The following RABGAP1 variants were observed in gnomAD, a reference collection of about 807,000 sequenced individuals.
RABGAP1 encodes the protein rab GTPase-activating protein 1.
RABGAP1 carries 23 observed loss-of-function variants against 137.6 expected under a neutral mutation model. The ratio of observed to expected loss-of-function variants is 0.17; its 90% CI spans 0.12 to 0.24. The LOEUF is 0.24. Among genes scored for constraint, RABGAP1 ranks in the 10% least tolerant of loss-of-function variants. The probability of loss-of-function intolerance (pLI) is 1.00; values close to 1 mark genes in which losing one functional copy is unlikely to be tolerated. For missense variants in RABGAP1, 906 were observed against 1,275.8 expected (o/e 0.71, Z 4.42); for synonymous variants, 451 against 450.7 (o/e 1.00, Z -0.01).
intron 19 of RABGAP1, among the ~76,000 whole-genome samples, chr9:123,086,692 G>A (rs1783761400): frequency 6.7e-6 from 1 of 149,372 alleles, no homozygotes; most frequent in South Asian, 2.2e-4. Context: ...AGTGTTTAAG[G>A]GAGAAAGGGA....
At chr9:122,963,934 A>G (rs1834988475) in intron 2 of RABGAP1, among the ~76,000 whole-genome samples, 1 of 152,198 alleles carries the variant, frequency 6.6e-6, no homozygotes, top group Non-Finnish European at 1.5e-5. Context: ...TGCTGATAAT[A>G]CGTAGAATTA....
upstream of RABGAP1, chr9:122,938,235 C>T (rs1833420918): frequency 6.6e-6 from 1 of 152,008 alleles, no homozygotes; most frequent in Admixed American, 6.6e-5. Flanking sequence ...TTTCCCTGCT[C>T]TAGTTTTACT....
intron 13 of RABGAP1, among the ~76,000 whole-genome samples, chr9:123,021,665 A>G (rs998165350): frequency 2.6e-5 from 4 of 152,222 alleles, no homozygotes; most frequent in African/African-American, 9.6e-5. Flanking sequence ...TCACCAGAAA[A>G]TGACTTTTAT....
At chr9:123,055,329 C>G (rs1473746805) in intron 13 of RABGAP1, among the ~76,000 whole-genome samples, 1 of 152,084 alleles carries the variant, frequency 6.6e-6, no homozygotes, top group Non-Finnish European at 1.5e-5. Flanking sequence ...GTAGCTGGGA[C>G]TACAAGTGCT....
rs1418251180 is a variant in RABGAP1, at chr9:122,957,028, A to G, written c.-32A>G. 1 of 1,419,192 alleles carries G rather than the reference A, an allele frequency of 7.0e-7. No individual in the cohort carries two copies. The highest frequency in any genetic ancestry group is 9.4e-7 in the Non-Finnish European group (1 of 1,069,046). 87.9% of individuals were successfully genotyped at this position (1,419,192 alleles called of 1,614,324 possible). A position where few individuals can be genotyped will look rare whatever the true frequency, so the allele number is the denominator to read the frequency against. On this transcript the variant is annotated 5_prime_UTR_variant, in exon 2 of 26. Coordinates refer to ENST00000373647, the MANE Select transcript of RABGAP1 (RefSeq NM_012197.4). ...TTTTTCAGGCATTAAAAAATATTTAATCATTCATGTGTTGAGACTCATTCT... is the reference window on the plus strand; with the variant it reads ...TTTTTCAGGCATTAAAAAATATTTAGTCATTCATGTGTTGAGACTCATTCT...
chr9:123,041,815 G>A (rs2132024185), intron 13 of RABGAP1, among the ~76,000 whole-genome samples: 1 of 152,284 alleles, frequency 6.6e-6, no homozygotes. Context: ...TTGCTAAGAT[G>A]TCCCTATAAG....
rs987489693 is a variant in RABGAP1, at chr9:123,035,039, C to T, written c.1794+14580C>T. Reference sequence around the variant, plus strand: ...ATTTTCCTGATTTGGCTATACTCGACCCTGGTCTTCCTGCCTTCCTTTTTC... The same window carrying T: ...ATTTTCCTGATTTGGCTATACTCGATCCTGGTCTTCCTGCCTTCCTTTTTC... On this transcript the variant is annotated intron_variant, in intron 13 of 25. Coordinates refer to ENST00000373647, the MANE Select transcript of RABGAP1 (RefSeq NM_012197.4). The T allele has an allele frequency of 1.9e-6, 3 of 1,613,976 alleles. No homozygotes were observed. The Admixed American group carries it at 5.0e-5, about 27-fold the overall frequency.
At chr9:123,007,666 G>T (rs997399111) in intron 10 of RABGAP1, among the ~76,000 whole-genome samples, 1 of 145,688 alleles carries the variant, frequency 6.9e-6, no homozygotes, top group Non-Finnish European at 1.5e-5. Flanking sequence ...CCCAAAATGC[G>T]CAACCTCCCA....
At chr9:122,945,054 A>G (rs896052331) in intron 1 of RABGAP1, among the ~76,000 whole-genome samples, 3 of 151,752 alleles carry the variant, frequency 2.0e-5, no homozygotes, top group African/African-American at 7.3e-5. Context: ...CTGAGTTTAC[A>G]TAGTTAGATC....
chr9:123,100,802 A>T (rs527286630), intron 24 of RABGAP1, among the ~76,000 whole-genome samples: 1 of 152,322 alleles, frequency 6.6e-6, no homozygotes, highest in East Asian at 1.9e-4. Flanking sequence ...AAGAAGAGTA[A>T]ATAAGGGAAA....
chr9:123,014,236 G>A (rs1244926726), intron 11 of RABGAP1, among the ~76,000 whole-genome samples: 1 of 152,128 alleles, frequency 6.6e-6, no homozygotes, highest in Non-Finnish European at 1.5e-5. Context: ...GCCTTGATCA[G>A]TGCCACTTAT....
At chr9:123,040,706 G>C (rs1295705312) in intron 13 of RABGAP1, among the ~76,000 whole-genome samples, 2 of 151,966 alleles carry the variant, frequency 1.3e-5, no homozygotes, top group African/African-American at 2.4e-5. Context: ...TTTTACGTTA[G>C]TTTGAGGGAG....
At position 122,996,040 on chromosome 9, in the gene RABGAP1, G is replaced by A; in HGVS notation, c.924-1G>A. ...AATTAATGAAACATGTTGGTCTACAGTGCAGTTCCCAAAGATAAGGACAGA... is the reference window on the plus strand; with the variant it reads ...AATTAATGAAACATGTTGGTCTACAATGCAGTTCCCAAAGATAAGGACAGA... On this transcript the variant is annotated splice_acceptor_variant, in intron 6 of 25. Coordinates refer to ENST00000373647, the MANE Select transcript of RABGAP1 (RefSeq NM_012197.4). LOFTEE classifies it high-confidence loss of function. The A allele has an allele frequency of 1.2e-6, 2 of 1,600,158 alleles. No homozygotes were observed. Among genetic ancestry groups the A allele is most frequent in the Non-Finnish European group, 1.7e-6 (2 of 1,175,904 alleles).
chr9:122,963,702 T>C (rs1489827663), intron 2 of RABGAP1, among the ~76,000 whole-genome samples: 1 of 152,046 alleles, frequency 6.6e-6, no homozygotes, highest in East Asian at 1.9e-4. Context: ...ACGTTCCACC[T>C]TAAGACCCTG....
Position 122,984,513 on chromosome 9 carries a change from T to C in RABGAP1, c.179T>C (p.Leu60Pro), listed in dbSNP as rs1283391265. The C allele has an allele frequency of 6.2e-7, 1 of 1,614,120 alleles. No homozygotes were observed. Among genetic ancestry groups the C allele is most frequent in the South Asian group, 1.1e-5 (1 of 91,074 alleles). The part of the protein sequence containing the change: ...KIVGNGSEQQ[L>P]QKELADVLMD... ...GTAGGGAATGGAAGTGAACAGCAGC[T>C]GCAAAAAGAGCTAGCAGATGTACTG... The change falls in exon 3 of 26, where the codon CTG becomes CCG. Residue 60 changes from leucine (L) to proline (P), a missense_variant. This residue lies in a region of RABGAP1 where 331 missense variants were observed against 358.3 expected (regional missense o/e 0.92). Transcript: ENST00000373647.
At chr9:123,028,037 T>A (rs1280129409) in intron 13 of RABGAP1, among the ~76,000 whole-genome samples, 7 of 152,230 alleles carry the variant, frequency 4.6e-5, no homozygotes, top group Admixed American at 3.3e-4. Flanking sequence ...TTCTAAAGGT[T>A]TCCTGAATTA....
intron 13 of RABGAP1, chr9:123,034,551 C>G (rs1428101454): frequency 1.3e-6 from 2 of 1,536,498 alleles, no homozygotes; most frequent in African/African-American, 2.7e-5. Context: ...AGTGACAGAT[C>G]ACTCCTGAGC....
At chr9:123,036,551 T>TA (rs1258045334) in intron 13 of RABGAP1, among the ~76,000 whole-genome samples, 3 of 152,198 alleles carry the variant, frequency 2.0e-5, no homozygotes, top group African/African-American at 7.2e-5. Context: ...ACTTCTGAAA[T>TA]ATTAGAACAT....
intron 6 of RABGAP1, among the ~76,000 whole-genome samples, chr9:122,991,605 C>CTTTT: frequency 7.2e-6 from 1 of 139,356 alleles, no homozygotes; most frequent in Non-Finnish European, 1.6e-5. Context: ...CTCTCTCTCT[C>CTTTT]TTTTTTTTTT....
Sources: gnomAD v4.1 joint callset for allele counts (sites outside exome capture counted in the v4.1 genomes callset) on GRCh38, gnomAD v4.1.1 for gene constraint, gnomAD v4.1.1 regional missense constraint, MANE v1.5 for transcripts, NCBI Gene and HGNC (gene_info 2026-07-23, HGNC 2026-07-21) for gene names.